The following STAT1 variants were observed in gnomAD, a reference collection of about 807,000 sequenced individuals.
The protein encoded by STAT1 is signal transducer and activator of transcription 1.
Under a neutral mutation model 111.7 loss-of-function variants are expected in STAT1, and 24 were observed. That is an observed-to-expected ratio of 0.21 (90% confidence interval 0.16 to 0.30). The LOEUF (loss-of-function observed/expected upper bound fraction) is 0.30, where lower values mean the gene tolerates loss of function less well. Ranked by LOEUF, STAT1 falls within the 10% of genes least tolerant of loss-of-function variation. STAT1 has a pLI of 1.00. For synonymous variants in STAT1, 332 were observed against 326.5 expected, an observed-to-expected ratio of 1.02 and a Z score of -0.18; for missense variants, 351 against 911.9, an observed-to-expected ratio of 0.38 and a Z score of 7.92.
At position 191,008,900 on chromosome 2, in the gene STAT1, G is replaced by A. The variant is rs115639454; in HGVS notation, c.273+63C>T. The A allele has an allele frequency of 3.1e-4, 483 of 1,571,794 alleles. 1 individual carries two copies. In the African/African-American group the frequency reaches 6.0e-3, roughly 19 times the overall value. On this transcript the variant is annotated intron_variant, in intron 4 of 24. Transcript: ENST00000361099. ...GTGTGCTCAATTGTATTTGCTGAATGAAGAAAACTGCCTTCCATAAACATG... is the reference window on the plus strand; with the variant it reads ...GTGTGCTCAATTGTATTTGCTGAATAAAGAAAACTGCCTTCCATAAACATG...
chr2:190,969,372 A>T lies in STAT1; in HGVS notation c.*1331T>A, dbSNP rs1249044418. On this transcript the variant is annotated 3_prime_UTR_variant, in exon 25 of 25. Transcript: ENST00000361099. ...AACTCAAGAAATCTTTATCTCCACC[A>T]AAGAAGAATACAGCATTTGCATGAT... 2 of 152,194 alleles carry T rather than the reference A, an allele frequency of 1.3e-5. No homozygotes were observed. Among genetic ancestry groups the T allele is most frequent in the Admixed American group, 6.5e-5 (1 of 15,278 alleles). The allele number at this position is 152,194 out of a possible 1,614,324, so 9.4% of individuals were successfully genotyped here.
Position 191,013,521 on chromosome 2 carries a change from T to C in STAT1, c.-2+4A>G, listed in dbSNP as rs2125113176. On this transcript the variant is annotated splice_donor_region_variant and intron_variant, in intron 2 of 24. Coordinates refer to ENST00000361099, the MANE Select transcript of STAT1 (RefSeq NM_007315.4). Reference sequence around the variant, plus strand: ...TTCATCTGATTCCATGAACATTTACTGACCTGCCACCTTGTGCCCCAACAA... The same window carrying C: ...TTCATCTGATTCCATGAACATTTACCGACCTGCCACCTTGTGCCCCAACAA... 2.5e-6 allele frequency: 1 copy of C among 398,168 alleles called. No homozygotes were observed. The allele number at this position is 398,168 out of a possible 1,614,324, so 24.7% of individuals were successfully genotyped here.
At chr2:190,994,869 T>A (rs1277799862) in intron 10 of STAT1, among the ~76,000 whole-genome samples, 192 bp downstream of exon 10, 6 of 140,654 alleles carry the variant, frequency 4.3e-5, no homozygotes, top group African/African-American at 5.4e-5. Flanking sequence ...TGAGCCAAGA[T>A]CACGCCACTG....
At position 190,987,048 on chromosome 2, in the gene STAT1, G is replaced by A. The variant is rs1355403556; in HGVS notation, c.1118C>T (p.Thr373Ile). ...AAAGTACGTCACGTACCCTTTTACT[G>A]TATTTCTCTCATTCACATCTCTGCA... is the stretch of plus-strand genomic sequence containing the variant. ...LFDKDVNERNTVKGFRKFNIL... is the reference protein window; with the variant it reads ...LFDKDVNERNIVKGFRKFNIL... The change falls in exon 13 of 25, where the codon ACA becomes ATA. Residue 373 changes from threonine to isoleucine, a missense_variant. By Grantham distance (89) the Thr-to-Ile change is moderately conservative. Coordinates refer to ENST00000361099, the MANE Select transcript of STAT1 (RefSeq NM_007315.4). This position sits in a 1 kb window ranked among gnomAD's most constrained non-coding sequence, Gnocchi z 4.0. The A allele has an allele frequency of 6.2e-7, 1 of 1,609,700 alleles. No individual in the cohort carries two copies. The highest frequency in any genetic ancestry group is 8.5e-7 in the Non-Finnish European group (1 of 1,176,840).
At position 190,993,232 on chromosome 2, in the gene STAT1, A is replaced by G; in HGVS notation, c.944+1829T>C. ...ACAATTTGTTGACGTTTTCACTGGGATAATGATCTATTTTCTGCAGTCACT... is the reference window on the plus strand; with the variant it reads ...ACAATTTGTTGACGTTTTCACTGGGGTAATGATCTATTTTCTGCAGTCACT... On this transcript the variant is annotated intron_variant, in intron 10 of 24. Coordinates refer to ENST00000361099, the MANE Select transcript of STAT1 (RefSeq NM_007315.4). The surrounding 1 kb of genome is among the most constrained non-coding windows in gnomAD (Gnocchi z 4.1). The G allele has an allele frequency of 1.7e-6, 1 of 580,166 alleles. No homozygotes were observed. The highest frequency in any genetic ancestry group is 1.7e-5 in the South Asian group (1 of 57,922). 35.9% of individuals were successfully genotyped at this position (580,166 alleles called of 1,614,324 possible).
Position 190,969,724 on chromosome 2 carries a change from G to A in STAT1, c.*979C>T, listed in dbSNP as rs1246824597. 1 of 152,188 alleles carries A rather than the reference G, an allele frequency of 6.6e-6. No homozygotes were observed. The highest frequency in any genetic ancestry group is 2.4e-5 in the African/African-American group (1 of 41,448). The allele number at this position is 152,188 out of a possible 1,614,324, so 9.4% of individuals were successfully genotyped here. ...ATATTATCTCTGGTGTATTATTCAAGTTGTCAGTTACTGCTTTTTCTACTC... is the reference window on the plus strand; with the variant it reads ...ATATTATCTCTGGTGTATTATTCAAATTGTCAGTTACTGCTTTTTCTACTC... On this transcript the variant is annotated 3_prime_UTR_variant, in exon 25 of 25. Transcript: ENST00000361099.
chr2:190,972,342 C>T (rs1691552952), intron 24 of STAT1, among the ~76,000 whole-genome samples: 1 of 152,234 alleles, frequency 6.6e-6, no homozygotes, highest in Non-Finnish European at 1.5e-5. Context: ...GGTTCTATTA[C>T]AGTCCCAGAG....
chr2:190,998,808 A>G lies in STAT1; in HGVS notation c.542-500T>C, dbSNP rs950268758. Among the ~76,000 whole-genome samples, 2 of 150,478 alleles carry G rather than the reference A, an allele frequency of 1.3e-5. No homozygotes were observed. Among genetic ancestry groups the G allele is most frequent in the African/African-American group, 2.5e-5 (1 of 40,198 alleles). ...AAATAACATTAATAATAATGTTATT[A>G]TTATTATAAAAATAAATGTAAATAA... On this transcript the variant is annotated intron_variant, in intron 7 of 24. Transcript: ENST00000361099. This position sits in a 1 kb window ranked among gnomAD's most constrained non-coding sequence, Gnocchi z 4.1.
At chr2:190,988,506 G>A (rs1204748575) in intron 12 of STAT1, among the ~76,000 whole-genome samples, 1 of 152,184 alleles carries the variant, frequency 6.6e-6, no homozygotes, top group Non-Finnish European at 1.5e-5. Context: ...GGCCTCCCAA[G>A]TAGCTGTGAT....
chr2:190,974,439 T>C lies in STAT1; in HGVS notation c.2238+391A>G, dbSNP rs1021508758. 1.3e-5 allele frequency among the ~76,000 whole-genome samples: 2 copies of C among 152,172 alleles called. No individual in the cohort carries two copies. The highest frequency in any genetic ancestry group is 4.8e-5 in the African/African-American group (2 of 41,438). On this transcript the variant is annotated intron_variant, in intron 24 of 24. Transcript: ENST00000361099. The surrounding 1 kb of genome is among the most constrained non-coding windows in gnomAD (Gnocchi z 4.8). ...ACTGTAACTACCAAGCGTTAGTCCC[T>C]CCCTTTCTAAAAATAACACTCCCTC...
intron 14 of STAT1, 87 bp from the exon 15 acceptor site, chr2:190,985,747 T>C (rs1480465756): frequency 7.2e-7 from 1 of 1,383,476 alleles, no homozygotes; most frequent in African/African-American, 1.4e-5. Flanking sequence ...AAGTTAGGAC[T>C]AGAAAGAATG....
Position 190,991,202 on chromosome 2 carries a change from A to G in STAT1, c.1037+26T>C, listed in dbSNP as rs202057791. ...GTACAAACTACGTGACAGGTGATGT[A>G]TGGGATGCCATCTTTCCCTTGTTAC... On this transcript the variant is annotated intron_variant, in intron 11 of 24. Coordinates refer to ENST00000361099, the MANE Select transcript of STAT1 (RefSeq NM_007315.4). The G allele has an allele frequency of 5.8e-4, 925 of 1,607,394 alleles. 1 individual carries two copies. Among genetic ancestry groups the G allele is most frequent in the Admixed American group, 1.1e-3 (68 of 60,024 alleles).
In STAT1 at chr2:190,980,531, C is replaced by T. The variant is rs1692294892; in HGVS notation, c.1632+89G>A. The T allele has an allele frequency of 7.6e-6, 11 of 1,453,522 alleles. 1 individual carries two copies. In the South Asian group the frequency reaches 1.3e-4, roughly 17 times the overall value. 90.0% of individuals were successfully genotyped at this position (1,453,522 alleles called of 1,614,324 possible). ...AGAAGAACACGCCAAAATAAGCAAA[C>T]AGTTAAGTAACTATCACAGCAAGAA... On this transcript the variant is annotated intron_variant, in intron 19 of 24. Transcript: ENST00000361099. The surrounding 1 kb of genome is among the most constrained non-coding windows in gnomAD (Gnocchi z 6.1).
In STAT1 at chr2:190,979,404, T is replaced by C. The variant is rs1209906193; in HGVS notation, c.1727+368A>G. 1.3e-5 allele frequency among the ~76,000 whole-genome samples: 2 copies of C among 152,240 alleles called. No homozygotes were observed. Among genetic ancestry groups the C allele is most frequent in the Non-Finnish European group, 2.9e-5 (2 of 68,038 alleles). On this transcript the variant is annotated intron_variant, in intron 20 of 24. Coordinates refer to ENST00000361099, the MANE Select transcript of STAT1 (RefSeq NM_007315.4). The surrounding 1 kb of genome is among the most constrained non-coding windows in gnomAD (Gnocchi z 5.8). ...TCAAGTTAAAGCTTCTGTTGAAATA[T>C]CAGCCGATCCTGGCAATAAGTCAAG... is the stretch of plus-strand genomic sequence containing the variant.
chr2:190,988,076 A>AT (rs1370832894), intron 12 of STAT1, among the ~76,000 whole-genome samples: 1 of 152,228 alleles, frequency 6.6e-6, no homozygotes, highest in African/African-American at 2.4e-5. Flanking sequence ...ATACTTCCCC[A>AT]TCCCCCGAAT....
chr2:190,974,793 T>C lies in STAT1; in HGVS notation c.2238+37A>G. On this transcript the variant is annotated intron_variant, in intron 24 of 24. Coordinates refer to ENST00000361099, the MANE Select transcript of STAT1 (RefSeq NM_007315.4). This position sits in a 1 kb window ranked among gnomAD's most constrained non-coding sequence, Gnocchi z 4.8. ...CTCCCTGCCTCTGAGCACACACACT[T>C]ATTGAGAGCTACACACAGGCCAGCC... is the stretch of plus-strand genomic sequence containing the variant. The C allele has an allele frequency of 6.4e-7, 1 of 1,558,202 alleles. No homozygotes were observed. Among genetic ancestry groups the C allele is most frequent in the Non-Finnish European group, 8.9e-7 (1 of 1,129,248 alleles).
rs1169477392 is a variant in STAT1 at position 191,012,410 on chromosome 2, T to C, written c.-2+1115A>G. 7.3e-6 allele frequency among the ~76,000 whole-genome samples: 1 copy of C among 136,274 alleles called. No homozygotes were observed. The highest frequency in any genetic ancestry group is 1.5e-5 in the Non-Finnish European group (1 of 64,900). 89.4% of individuals were successfully genotyped at this position (136,274 alleles called of 152,430 possible). On this transcript the variant is annotated intron_variant, in intron 2 of 24. Coordinates refer to ENST00000361099, the MANE Select transcript of STAT1 (RefSeq NM_007315.4). This position sits in a 1 kb window ranked among gnomAD's most constrained non-coding sequence, Gnocchi z 4.0. ...CAGCCTGGGAGACAGAGAGAGACTC[T>C]GTCTCTAAAAAAAAAAAACAATGAA...
At chr2:191,010,036 T>C (rs1166729359) in intron 2 of STAT1, 32 bp from the exon 3 acceptor site, 3 of 1,612,602 alleles carry the variant, frequency 1.9e-6, no homozygotes, top group South Asian at 1.1e-5. Context: ...ATTCTTTCTA[T>C]GTATATGGAA....
intron 14 of STAT1, 96 bp from the exon 15 acceptor site, chr2:190,985,756 T>G (rs1559011033): frequency 4.7e-6 from 6 of 1,272,250 alleles, no homozygotes; most frequent in Non-Finnish European, 6.8e-6. Context: ...CTAGAAAGAA[T>G]GACAGACGTG....
Sources: allele counts gnomAD v4.1 joint callset (sites outside exome capture counted in the v4.1 genomes callset), GRCh38; gene constraint gnomAD v4.1.1; non-coding constraint Gnocchi (gnomAD v3.1); transcripts MANE v1.5; gene names NCBI Gene and HGNC (gene_info 2026-07-23, HGNC 2026-07-21).